The following TCF7L1 variants were observed in gnomAD, a reference collection of about 807,000 sequenced individuals.
The protein encoded by TCF7L1 is transcription factor 7 like 1, also known as transcription factor 7-like 1.
A neutral mutation model predicts 63.7 loss-of-function variants in TCF7L1; 18 were observed. The observed-to-expected ratio is 0.28, with a 90% CI of 0.20 to 0.42. The LOEUF (loss-of-function observed/expected upper bound fraction) is 0.42, where lower values mean the gene tolerates loss of function less well. Among genes scored for constraint, TCF7L1 ranks in the 10% least tolerant of loss-of-function variants. TCF7L1 has a pLI of 1.00. For synonymous variants in TCF7L1, 355 were observed against 340.9 expected (o/e 1.04, Z -0.46); for missense variants, 654 against 779.3 (o/e 0.84, Z 1.91).
In TCF7L1 at chr2:85,202,994, C is replaced by T. The variant is rs1420520700; in HGVS notation, c.441+68544C>T. Among the ~76,000 whole-genome samples, 7 of 152,154 alleles carry T rather than the reference C, an allele frequency of 4.6e-5. No homozygotes were observed. The East Asian group carries it at 1.4e-3, about 29-fold the overall frequency. ...GACTACAGGCACCCGCCACCACGCC[C>T]GGCTAATTTTTTGTATTTTTTTGGT... is the stretch of plus-strand genomic sequence containing the variant. On this transcript the variant is annotated intron_variant, in intron 3 of 11. Coordinates refer to ENST00000282111, the MANE Select transcript of TCF7L1 (RefSeq NM_031283.3).
In TCF7L1 at chr2:85,309,872, G is replaced by A. The variant is rs1161001391; in HGVS notation, c.*410G>A. On this transcript the variant is annotated 3_prime_UTR_variant, in exon 12 of 12. Transcript: ENST00000282111. ...CCATTGTGACATTTCCTGTTACCCA[G>A]CCCAAGTTTTCATCGTCTGCTCAAT... is the stretch of plus-strand genomic sequence containing the variant. 1 of 173,534 alleles carries A rather than the reference G, an allele frequency of 5.8e-6. No individual in the cohort carries two copies. The highest frequency in any genetic ancestry group is 1.2e-5 in the Non-Finnish European group (1 of 82,074). 10.7% of individuals were successfully genotyped at this position (173,534 alleles called of 1,614,324 possible). A position where few individuals can be genotyped will look rare whatever the true frequency, so the allele number is the denominator to read the frequency against.
chr2:85,196,989 C>T (rs1424420510), intron 3 of TCF7L1, among the ~76,000 whole-genome samples: 1 of 152,174 alleles, frequency 6.6e-6, no homozygotes, highest in African/African-American at 2.4e-5. Context: ...ATCCAAACTC[C>T]ACGGTTTCAG....
rs199928743 is a variant in TCF7L1, at chr2:85,283,521, C to T, written c.468C>T (p.Leu156=). ...RTYLQMKWPL[L]DVPSSATVKD... ...ACCTGCAGATGAAATGGCCCCTCCT[C>T]GATGTCCCCTCCAGCGCCACAGTCA... The change falls in exon 4 of 12, where the codon CTC becomes CTT. Residue 156 remains leucine (L), a synonymous_variant. Transcript: ENST00000282111. 45 of 1,614,136 alleles carry T rather than the reference C, an allele frequency of 2.8e-5. No individual in the cohort carries two copies. In the African/African-American group the frequency reaches 3.3e-4, roughly 12 times the overall value.
At chr2:85,243,921 C>G (rs1387092914) in intron 3 of TCF7L1, among the ~76,000 whole-genome samples, 1 of 152,156 alleles carries the variant, frequency 6.6e-6, no homozygotes, top group Non-Finnish European at 1.5e-5. Flanking sequence ...CAGGATCCAG[C>G]CACAGGGAAA....
intron 3 of TCF7L1, among the ~76,000 whole-genome samples, chr2:85,260,349 G>A (rs1680830536): frequency 6.6e-6 from 1 of 152,132 alleles, no homozygotes; most frequent in Admixed American, 6.5e-5. Flanking sequence ...AAGAGACCTT[G>A]TACGTGGCCG....
At chr2:85,166,001 A>T (rs1399187620) in intron 3 of TCF7L1, among the ~76,000 whole-genome samples, 1 of 152,236 alleles carries the variant, frequency 6.6e-6, no homozygotes, top group African/African-American at 2.4e-5. Context: ...TGTGTAACTA[A>T]CACCACAATC....
At chr2:85,156,666 A>G (rs1009857614) in intron 3 of TCF7L1, among the ~76,000 whole-genome samples, 4 of 152,226 alleles carry the variant, frequency 2.6e-5, no homozygotes, top group African/African-American at 7.2e-5. Flanking sequence ...TAAAGTTTCC[A>G]TGAGCACATT....
chr2:85,170,060 A>G (rs1268560228), intron 3 of TCF7L1, among the ~76,000 whole-genome samples: 2 of 152,220 alleles, frequency 1.3e-5, no homozygotes, highest in Admixed American at 1.3e-4. Context: ...GCATGACAAG[A>G]TAGCCTTGAA....
intron 3 of TCF7L1, among the ~76,000 whole-genome samples, chr2:85,196,991 C>T (rs1480101920): frequency 1.3e-5 from 2 of 152,166 alleles, no homozygotes; most frequent in African/African-American, 4.8e-5. Flanking sequence ...CCAAACTCCA[C>T]GGTTTCAGGG....
chr2:85,140,201 A>G lies in TCF7L1; in HGVS notation c.441+5751A>G, dbSNP rs6714086. 4.3e-3 allele frequency among the ~76,000 whole-genome samples: 651 copies of G among 151,908 alleles called. 4 individuals carry two copies. Among genetic ancestry groups the G allele is most frequent in the African/African-American group, 0.015 (602 of 41,396 alleles). The stretch of plus-strand genomic sequence containing the variant: ...GGGTGGGGAGGCCTCCCCAGTCTCT[A>G]CCTCCCCAGTGGTGGACAGATGCTT... On this transcript the variant is annotated intron_variant, in intron 3 of 11. Coordinates refer to ENST00000282111, the MANE Select transcript of TCF7L1 (RefSeq NM_031283.3).
intron 3 of TCF7L1, among the ~76,000 whole-genome samples, chr2:85,248,630 A>G (rs998564024): frequency 6.6e-6 from 1 of 152,106 alleles, no homozygotes; most frequent in Non-Finnish European, 1.5e-5. Context: ...GGGAGGGAGG[A>G]AGAAGAGTAT....
At chr2:85,234,386 G>A (rs1051945705) in intron 3 of TCF7L1, among the ~76,000 whole-genome samples, 6 of 151,712 alleles carry the variant, frequency 4.0e-5, no homozygotes, top group East Asian at 1.9e-4. Context: ...CACCCACCTC[G>A]GCCTCCCAAA....
chr2:85,247,674 G>A (rs1026010654), intron 3 of TCF7L1, among the ~76,000 whole-genome samples: 1 of 152,204 alleles, frequency 6.6e-6, no homozygotes, highest in Admixed American at 6.5e-5. Context: ...CATGCCCATG[G>A]TAAGGTTGCG....
intron 4 of TCF7L1, among the ~76,000 whole-genome samples, chr2:85,289,221 AGTGTGTGTGTGTGTGTGTGT>A: frequency 6.8e-6 from 1 of 146,422 alleles, no homozygotes; most frequent in East Asian, 2.0e-4. Flanking sequence ...TTCAGTCTGG[AGTGTGTGTGTGTGTGTGTGT>A]GTGTGTGTGT....
intron 3 of TCF7L1, among the ~76,000 whole-genome samples, chr2:85,199,954 C>T (rs550403057): frequency 1.3e-5 from 2 of 152,358 alleles, no homozygotes; most frequent in Admixed American, 6.5e-5. Context: ...CTTTCTGTCT[C>T]CATGGAGTTG....
chr2:85,290,601 A>G (rs561611670), intron 4 of TCF7L1, among the ~76,000 whole-genome samples: 7 of 152,204 alleles, frequency 4.6e-5, no homozygotes, highest in Non-Finnish European at 8.8e-5. Context: ...CAGTTCTCCT[A>G]GTCAGCTTAG....
At chr2:85,181,675 C>G (rs1678807800) in intron 3 of TCF7L1, among the ~76,000 whole-genome samples, 2 of 152,160 alleles carry the variant, frequency 1.3e-5, no homozygotes, top group East Asian at 1.9e-4. Flanking sequence ...TGGGGCCAAA[C>G]TGCCCCAGCT....
intron 3 of TCF7L1, among the ~76,000 whole-genome samples, chr2:85,192,187 A>G (rs142290490): frequency 6.6e-6 from 1 of 152,344 alleles, no homozygotes; most frequent in Non-Finnish European, 1.5e-5. Flanking sequence ...TAATGAAGAT[A>G]TGTCATCTTG....
intron 3 of TCF7L1, among the ~76,000 whole-genome samples, chr2:85,259,224 C>T (rs1172520729): frequency 6.6e-6 from 1 of 152,214 alleles, no homozygotes; most frequent in African/African-American, 2.4e-5. Context: ...GTTCTGGGGC[C>T]TGTGTTTGTT....
Sources: allele counts gnomAD v4.1 joint callset (sites outside exome capture counted in the v4.1 genomes callset), GRCh38; gene constraint gnomAD v4.1.1; transcripts MANE v1.5; gene names NCBI Gene and HGNC (gene_info 2026-07-23, HGNC 2026-07-21).